SNX29: variants seen among roughly 807,000 people sequenced by gnomAD.
SNX29 encodes the protein sorting nexin-29.
SNX29 carries 78 observed loss-of-function variants against 102.1 expected under a neutral mutation model. The ratio of observed to expected loss-of-function variants is 0.76; its 90% CI spans 0.64 to 0.92. The LOEUF is 0.92. Ranked by LOEUF, SNX29 falls within the 40% of genes least tolerant of loss-of-function variation. The pLI, the probability that SNX29 is intolerant of heterozygous loss-of-function variation, is 0.00. For synonymous variants in SNX29, 580 were observed against 414.5 expected, an observed-to-expected ratio of 1.40 and a Z score of -4.85; for missense variants, 1,280 against 1,061.7, an observed-to-expected ratio of 1.21 and a Z score of -2.86.
chr16:12,190,684 G>C (rs2076619956), intron 13 of SNX29, among the ~76,000 whole-genome samples: 1 of 152,134 alleles, frequency 6.6e-6, no homozygotes, highest in Non-Finnish European at 1.5e-5. Context: ...GCTGTGATTG[G>C]CCAAATCCCA....
chr16:12,527,657 C>T (rs556611037), intron 20 of SNX29, among the ~76,000 whole-genome samples: 33 of 152,228 alleles, frequency 2.2e-4, no homozygotes, highest in Middle Eastern at 3.4e-3. Flanking sequence ...TGGCTGGTCC[C>T]GGGGTCCCCA....
chr16:12,540,720 T>G (rs971713407), intron 20 of SNX29, among the ~76,000 whole-genome samples: 14 of 152,178 alleles, frequency 9.2e-5, no homozygotes, highest in Non-Finnish European at 1.8e-4. Flanking sequence ...GCTCCAGGGA[T>G]GAAGAGCTGG....
rs560356500 is a variant in SNX29 at position 12,188,670 on chromosome 16, A to G, written c.1596-10931A>G. Among the ~76,000 whole-genome samples, 4 of 152,246 alleles carry G rather than the reference A, an allele frequency of 2.6e-5. No homozygotes were observed. In the East Asian group the frequency reaches 7.7e-4, roughly 29 times the overall value. On this transcript the variant is annotated intron_variant, in intron 13 of 20. Transcript: ENST00000566228. Reference sequence around the variant, plus strand: ...TGGGATTTACCAGGTGGCTAATGAGATGGGCTTTATAAAATAAATAGTGCA... The same window carrying G: ...TGGGATTTACCAGGTGGCTAATGAGGTGGGCTTTATAAAATAAATAGTGCA...
chr16:12,240,593 T>C (rs1467313304), intron 14 of SNX29, among the ~76,000 whole-genome samples: 1 of 114,166 alleles, frequency 8.8e-6, no homozygotes, highest in African/African-American at 4.3e-5. Context: ...TTCTTTTTTT[T>C]TTTTTTTTTT....
intron 19 of SNX29, among the ~76,000 whole-genome samples, chr16:12,522,399 C>A (rs545526087): frequency 1.3e-5 from 2 of 152,246 alleles, no homozygotes; most frequent in South Asian, 4.2e-4. Context: ...GGGAACTCTT[C>A]TCTTCTTTTT....
intron 20 of SNX29, among the ~76,000 whole-genome samples, chr16:12,544,435 TTC>T (rs1462652536): frequency 1.3e-5 from 2 of 152,180 alleles, no homozygotes; most frequent in Admixed American, 6.5e-5. Flanking sequence ...ATTTGGACGT[TTC>T]TCTTTCTCTA....
At chr16:12,548,004 C>T (rs1002806197) in intron 20 of SNX29, among the ~76,000 whole-genome samples, 20 of 152,150 alleles carry the variant, frequency 1.3e-4, no homozygotes, top group African/African-American at 4.8e-4. Context: ...GTGAACGTGG[C>T]ATCCTGGACT....
chr16:12,526,652 C>T (rs1295888331), intron 20 of SNX29: 2 of 526,274 alleles, frequency 3.8e-6, no homozygotes, highest in South Asian at 1.6e-5. Flanking sequence ...GGGAATTAGC[C>T]TCTCGCGGAG....
chr16:12,310,261 G>T (rs1015893812), intron 15 of SNX29, among the ~76,000 whole-genome samples: 2 of 152,324 alleles, frequency 1.3e-5, no homozygotes, highest in Non-Finnish European at 1.5e-5. Flanking sequence ...CTGAAAAAAG[G>T]ATGTAACAAT....
intron 14 of SNX29, among the ~76,000 whole-genome samples, chr16:12,235,536 C>A (rs1739248536): frequency 6.6e-6 from 1 of 151,830 alleles, no homozygotes; most frequent in Non-Finnish European, 1.5e-5. Context: ...CTATTTCTGC[C>A]TTTCCATTTT....
At chr16:12,510,731 C>T (rs879487524) in intron 19 of SNX29, among the ~76,000 whole-genome samples, 13 of 152,016 alleles carry the variant, frequency 8.6e-5, no homozygotes, top group Admixed American at 2.0e-4. Context: ...CTCTCCTCCC[C>T]CACCCCCCAG....
intron 14 of SNX29, among the ~76,000 whole-genome samples, chr16:12,276,865 C>T (rs1488236617): frequency 1.3e-5 from 2 of 152,212 alleles, no homozygotes; most frequent in Non-Finnish European, 2.9e-5. Context: ...CATGCTTGCT[C>T]TGACCTGGGA....
At chr16:12,499,508 G>A (rs1227136685) in intron 19 of SNX29, among the ~76,000 whole-genome samples, 1 of 152,174 alleles carries the variant, frequency 6.6e-6, no homozygotes, top group Non-Finnish European at 1.5e-5. Flanking sequence ...GCTCTGCACT[G>A]GTCAGCACCA....
intron 6 of SNX29, 35 bp downstream of exon 6, chr16:12,046,489 T>A (rs1490388673): frequency 6.2e-7 from 1 of 1,610,228 alleles, no homozygotes; most frequent in Admixed American, 1.7e-5. Context: ...CAGGGCCTTG[T>A]GACACTTGGC....
intron 15 of SNX29, among the ~76,000 whole-genome samples, chr16:12,285,991 C>T (rs951905796): frequency 1.2e-4 from 19 of 152,128 alleles, no homozygotes; most frequent in African/African-American, 3.4e-4. Flanking sequence ...CAGTAGCATA[C>T]GCTACCATGC....
At chr16:12,498,414 C>CT (rs2088938939) in intron 19 of SNX29, among the ~76,000 whole-genome samples, 1 of 145,544 alleles carries the variant, frequency 6.9e-6, no homozygotes, top group Admixed American at 6.8e-5. Flanking sequence ...AAAAAAAATG[C>CT]TTGCTTGGGA....
intron 11 of SNX29, among the ~76,000 whole-genome samples, chr16:12,119,906 C>A (rs2053900603): frequency 6.6e-6 from 1 of 152,212 alleles, no homozygotes; most frequent in African/African-American, 2.4e-5. Context: ...ATTTCAGGTG[C>A]CTCTCGCATT....
At chr16:12,304,689 G>T (rs964523170) in intron 15 of SNX29, among the ~76,000 whole-genome samples, 12 of 152,136 alleles carry the variant, frequency 7.9e-5, no homozygotes, top group Admixed American at 7.9e-4. Flanking sequence ...CACCACACCT[G>T]GCCAGCTTCA....
intron 3 of SNX29, among the ~76,000 whole-genome samples, chr16:12,014,688 T>C (rs11862467): frequency 0.42 from 60,931 of 145,206 alleles, 13,376 homozygotes; most frequent in Non-Finnish European, 0.49. Flanking sequence ...GCCGAGATCA[T>C]GCCATTGTAC....
Sources: allele counts gnomAD v4.1 joint callset (sites outside exome capture counted in the v4.1 genomes callset), GRCh38; gene constraint gnomAD v4.1.1; transcripts MANE v1.5; gene names NCBI Gene and HGNC (gene_info 2026-07-23, HGNC 2026-07-21).